The following TIAM2 variants were observed in gnomAD, a reference collection of about 807,000 sequenced individuals.
TIAM2 encodes the protein TIAM Rac1 associated GEF 2.
A neutral mutation model predicts 152.9 loss-of-function variants in TIAM2; 80 were observed. The observed-to-expected ratio is 0.52, with a 90% CI of 0.44 to 0.63. The LOEUF is 0.63. TIAM2 is among the 30% of genes least tolerant of loss of function. TIAM2 has a pLI of 0.00. For missense variants in TIAM2, 1,965 were observed against 2,120.1 expected, an observed-to-expected ratio of 0.93 and a Z score of 1.44; for synonymous variants, 804 against 838.0, an observed-to-expected ratio of 0.96 and a Z score of 0.70.
At chr6:155,074,470 C>T (rs1777908694) in intron 1 of TIAM2, among the ~76,000 whole-genome samples, 1 of 152,010 alleles carries the variant, frequency 6.6e-6, no homozygotes, top group South Asian at 2.1e-4. Context: ...GCCTCAGTCT[C>T]CTGAGTGGCT....
chr6:155,159,436 A>C (rs1012649238), intron 7 of TIAM2, among the ~76,000 whole-genome samples: 1 of 152,090 alleles, frequency 6.6e-6, no homozygotes, highest in African/African-American at 2.4e-5. Flanking sequence ...TGTCCCCTAC[A>C]TGTTGTTCAC....
intron 2 of TIAM2, among the ~76,000 whole-genome samples, chr6:155,094,045 CA>C (rs1778357710): frequency 6.6e-6 from 1 of 152,090 alleles, no homozygotes; most frequent in Non-Finnish European, 1.5e-5. Context: ...AAAATGTGAT[CA>C]GGGGATCACT....
intron 1 of TIAM2, among the ~76,000 whole-genome samples, chr6:155,011,042 C>T (rs1778479878): frequency 9.9e-6 from 1 of 101,184 alleles, no homozygotes; most frequent in African/African-American, 2.6e-5. Flanking sequence ...GAAACTCTGT[C>T]TCAAAAAAAA....
rs186148046 is a variant in TIAM2, at chr6:155,116,502, C to T, written c.-117-10988C>T. ...GGAAAAAAATATGTGGTTTAAGCCC[C>T]GTTCATTTTTTAACTTAAATGAAAC... is the stretch of plus-strand genomic sequence containing the variant. On this transcript the variant is annotated intron_variant, in intron 2 of 26. Coordinates refer to ENST00000682666, the MANE Select transcript of TIAM2 (RefSeq NM_012454.4). 1.8e-3 allele frequency among the ~76,000 whole-genome samples: 273 copies of T among 152,266 alleles called. 1 individual carries two copies. The highest frequency in any genetic ancestry group is 3.0e-3 in the Non-Finnish European group (201 of 68,016).
At chr6:155,094,874 T>A (rs1778387114) in intron 2 of TIAM2, among the ~76,000 whole-genome samples, 1 of 151,904 alleles carries the variant, frequency 6.6e-6, no homozygotes, top group African/African-American at 2.4e-5. Context: ...TGAGCCACCG[T>A]GCCTGGCTTC....
At chr6:155,017,739 A>G (rs1020369760) in intron 1 of TIAM2, among the ~76,000 whole-genome samples, 4 of 151,902 alleles carry the variant, frequency 2.6e-5, no homozygotes, top group Admixed American at 1.3e-4. Flanking sequence ...TCCTGACCTC[A>G]TGATCCACCT....
At chr6:155,222,869 T>C (rs9397793) in intron 15 of TIAM2, among the ~76,000 whole-genome samples, 68,041 of 152,036 alleles carry the variant, frequency 0.45, 16,350 homozygotes, top group East Asian at 0.88. Context: ...AGAAGAATCT[T>C]AGCAGAACCC....
chr6:155,198,563 G>A (rs1781400639), intron 14 of TIAM2, among the ~76,000 whole-genome samples: 1 of 151,036 alleles, frequency 6.6e-6, no homozygotes, highest in South Asian at 2.1e-4. Flanking sequence ...TCGGAAGGCT[G>A]AGGCAGGGGA....
chr6:155,160,939 T>C (rs184019366), intron 7 of TIAM2, among the ~76,000 whole-genome samples: 1 of 152,320 alleles, frequency 6.6e-6, no homozygotes, highest in East Asian at 1.9e-4. Flanking sequence ...ATACTGGTTG[T>C]CTTGAAACTT....
At chr6:155,017,397 T>C (rs989401403) in intron 1 of TIAM2, among the ~76,000 whole-genome samples, 2 of 151,898 alleles carry the variant, frequency 1.3e-5, no homozygotes, top group African/African-American at 4.8e-5. Context: ...ACATGGGGTC[T>C]AGGGTCCCTG....
chr6:155,142,925 C>G (rs546128328), intron 5 of TIAM2, among the ~76,000 whole-genome samples: 6 of 152,280 alleles, frequency 3.9e-5, no homozygotes, highest in African/African-American at 1.4e-4. Flanking sequence ...CTTGTTTGTT[C>G]ATATCAAGAC....
At position 155,174,364 on chromosome 6, in the gene TIAM2, C is replaced by T. The variant is rs1440945229; in HGVS notation, c.2362-2452C>T. Reference sequence around the variant, plus strand: ...CAGGAGCTTGTTTCATTTGGTCTCACGAGATGCAGTCTTTTTTTTTTTTTG... The same window carrying T: ...CAGGAGCTTGTTTCATTTGGTCTCATGAGATGCAGTCTTTTTTTTTTTTTG... On this transcript the variant is annotated intron_variant, in intron 9 of 26. Coordinates refer to ENST00000682666, the MANE Select transcript of TIAM2 (RefSeq NM_012454.4). The surrounding 1 kb of genome is among the most constrained non-coding windows in gnomAD (Gnocchi z 4.2). Among the ~76,000 whole-genome samples the T allele has an allele frequency of 6.6e-6, 1 of 151,416 alleles. No individual in the cohort carries two copies. Among genetic ancestry groups the T allele is most frequent in the African/African-American group, 2.4e-5 (1 of 41,232 alleles).
intron 1 of TIAM2, among the ~76,000 whole-genome samples, chr6:155,085,330 C>A (rs562333248): frequency 2.0e-5 from 3 of 152,122 alleles, no homozygotes; most frequent in Non-Finnish European, 2.9e-5. Context: ...ATTCTACTTA[C>A]GTAGAGGTGG....
intron 1 of TIAM2, among the ~76,000 whole-genome samples, chr6:155,025,118 C>G (rs1328103566): frequency 6.6e-6 from 1 of 151,906 alleles, no homozygotes; most frequent in Non-Finnish European, 1.5e-5. Context: ...CCTCTGCCTC[C>G]TGGGTTCAAG....
At chr6:155,167,950 A>G (rs2115106742) in intron 9 of TIAM2, among the ~76,000 whole-genome samples, 1 of 152,336 alleles carries the variant, frequency 6.6e-6, no homozygotes, top group Admixed American at 6.5e-5. Context: ...TATGAGCCTA[A>G]TATGGTTTTT....
At chr6:155,065,754 AT>A (rs1438534010) in intron 1 of TIAM2, among the ~76,000 whole-genome samples, 13 of 152,168 alleles carry the variant, frequency 8.5e-5, no homozygotes, top group African/African-American at 3.1e-4. Context: ...GGGCAACAGA[AT>A]AAGACTGTCT....
At chr6:155,209,451 T>C (rs1781671320) in intron 14 of TIAM2, among the ~76,000 whole-genome samples, 1 of 152,130 alleles carries the variant, frequency 6.6e-6, no homozygotes, top group Non-Finnish European at 1.5e-5. Context: ...CAGCAGTGGG[T>C]CACTTGTGGT....
chr6:155,185,801 A>T (rs73795344), intron 14 of TIAM2, among the ~76,000 whole-genome samples: 1 of 151,962 alleles, frequency 6.6e-6, no homozygotes, highest in African/African-American at 2.4e-5. Context: ...TGGGTGTGAC[A>T]GTCTCCCAGG....
At chr6:155,160,611 A>G (rs1473774273) in intron 7 of TIAM2, among the ~76,000 whole-genome samples, 6 of 152,186 alleles carry the variant, frequency 3.9e-5, no homozygotes, top group Non-Finnish European at 8.8e-5. Context: ...TACAAAAAAA[A>G]TGCAAAAATT....
Sources: gnomAD v4.1 joint callset for allele counts (sites outside exome capture counted in the v4.1 genomes callset) on GRCh38, gnomAD v4.1.1 for gene constraint, Gnocchi (gnomAD v3.1) non-coding constraint, MANE v1.5 for transcripts, NCBI Gene and HGNC (gene_info 2026-07-23, HGNC 2026-07-21) for gene names.